Variants in TREM2 observed in about 807,000 individuals in gnomAD.
The protein encoded by TREM2 is triggering receptor expressed on myeloid cells 2, also known as triggering receptor expressed on monocytes 2.
In TREM2, 20 loss-of-function variants were observed where a neutral mutation model predicts 22.9. The ratio of observed to expected loss-of-function variants is 0.87; its 90% CI spans 0.61 to 1.27. The LOEUF (loss-of-function observed/expected upper bound fraction) is 1.27. Ranked by LOEUF, TREM2 falls within the 50% of genes most tolerant of loss-of-function variation. TREM2 has a pLI of 0.00. For synonymous variants in TREM2, 111 were observed against 120.9 expected (o/e 0.92, Z 0.54); for missense variants, 267 against 289.0 (o/e 0.92, Z 0.55).
chr6:41,162,297 G>A (rs1295336329), intron 1 of TREM2, among the ~76,000 whole-genome samples: 2 of 152,176 alleles, frequency 1.3e-5, no homozygotes, highest in Non-Finnish European at 2.9e-5. Flanking sequence ...CTTGCCTTTT[G>A]GAACTAGAGA....
chr6:41,158,905 T>C lies in TREM2; in HGVS notation c.644A>G (p.His215Arg). 1 of 1,614,252 alleles carries C rather than the reference T, an allele frequency of 6.2e-7. No homozygotes were observed. Among genetic ancestry groups the C allele is most frequent in the East Asian group, 2.2e-5 (1 of 44,882 alleles). Residue 215 changes from histidine to arginine, a missense_variant, in exon 4 of 5, where the codon CAT becomes CGT. Physicochemically the swap from His to Arg is conservative, Grantham distance 29. Coordinates refer to ENST00000373113, the MANE Select transcript of TREM2 (RefSeq NM_018965.4). ...THPPSELDCG[H>R]DPGYQLQTLP... The stretch of plus-strand genomic sequence containing the variant: ...AGTTTGGAGCTGATACCCTGGGTCA[T>C]GGCCACAGTCCAGTTCACTGGGTGG...
intron 2 of TREM2, 123 bp downstream of exon 2, chr6:41,161,140 T>G: frequency 2.2e-6 from 2 of 908,036 alleles, no homozygotes; most frequent in Non-Finnish European, 3.4e-6. Context: ...AGTAGGGAGA[T>G]GAGACCATAC....
chr6:41,161,631 A>T lies in TREM2; in HGVS notation c.41-18T>A. 1 of 1,599,922 alleles carries T rather than the reference A, an allele frequency of 6.3e-7. No homozygotes were observed. Reference sequence around the variant, plus strand: ...GGACAGCTCTGGGGAGGAGACATTCATTCACTCCTTTGTTTACCAAATACG... The same window carrying T: ...GGACAGCTCTGGGGAGGAGACATTCTTTCACTCCTTTGTTTACCAAATACG... On this transcript the variant is annotated intron_variant, in intron 1 of 4. Coordinates refer to ENST00000373113, the MANE Select transcript of TREM2 (RefSeq NM_018965.4).
In TREM2 at chr6:41,158,896, C is replaced by G. The variant is rs777941887; in HGVS notation, c.653G>C (p.Gly218Ala). 4.3e-6 allele frequency: 7 copies of G among 1,614,098 alleles called. No homozygotes were observed. The South Asian group carries it at 7.7e-5, about 18-fold the overall frequency. The part of the protein sequence containing the change: ...PSELDCGHDP[G>A]YQLQTLPGLR... Reference sequence around the variant, plus strand: ...ACCTGGCAGAGTTTGGAGCTGATACCCTGGGTCATGGCCACAGTCCAGTTC... The same window carrying G: ...ACCTGGCAGAGTTTGGAGCTGATACGCTGGGTCATGGCCACAGTCCAGTTC... The change falls in exon 4 of 5, where the codon GGG becomes GCG. Residue 218 changes from glycine to alanine, a missense_variant. Physicochemically the swap from Gly to Ala is moderately conservative, Grantham distance 60 (BLOSUM62 0). Coordinates refer to ENST00000373113, the MANE Select transcript of TREM2 (RefSeq NM_018965.4).
chr6:41,159,696 T>G, intron 3 of TREM2, 96 bp downstream of exon 3: 3 of 1,093,948 alleles, frequency 2.7e-6, no homozygotes, highest in Non-Finnish European at 4.2e-6. Flanking sequence ...CTAGTTGCCT[T>G]GTAATTTGTA....
chr6:41,161,204 GC>G, intron 2 of TREM2, 58 bp downstream of exon 2: 1 of 1,517,150 alleles, frequency 6.6e-7, no homozygotes. Flanking sequence ...GCACACAGAC[GC>G]CCAAAACATG....
chr6:41,163,102 G>A lies in TREM2; in HGVS notation c.-20C>T, dbSNP rs1050168964. The A allele has an allele frequency of 1.9e-6, 3 of 1,613,786 alleles. No individual in the cohort carries two copies. In the Admixed American group the frequency reaches 5.0e-5, roughly 27 times the overall value. ...CTCCATGCCACCCTTCCCCAGCCAA[G>A]GGCAGAAGCAGAGTGCCTTGTGCAA... On this transcript the variant is annotated 5_prime_UTR_variant, in exon 1 of 5. Transcript: ENST00000373113.
Position 41,161,277 on chromosome 6 carries a change from A to C in TREM2, c.377T>G (p.Val126Gly), listed in dbSNP as rs121908402. 3.7e-6 allele frequency: 6 copies of C among 1,613,976 alleles called. No individual in the cohort carries two copies. The South Asian group carries it at 6.6e-5, about 18-fold the overall frequency. The change falls in exon 2 of 5, where the codon GTG (valine) becomes GGG (glycine). Residue 126 changes from valine (V) to glycine (G), a missense_variant. Coordinates refer to ENST00000373113, the MANE Select transcript of TREM2 (RefSeq NM_018965.4). Reference protein sequence around the residue: ...SEADTLRKVLVEVLADPLDHR... With the variant: ...SEADTLRKVLGEVLADPLDHR... ...TGCCCACTCACCTGCCAGCACCTCC[A>C]CCAGGACCTTCCTGAGGGTGTCAGC...
Position 41,158,697 on chromosome 6 carries a change from G to A in TREM2, c.*67C>T. The A allele has an allele frequency of 6.2e-7, 1 of 1,614,144 alleles. No homozygotes were observed. The highest frequency in any genetic ancestry group is 8.5e-7 in the Non-Finnish European group (1 of 1,180,026). ...AACAAGGAGTCCTGGTGGCCAAGTG[G>A]CAAGTATGCAGGCTGGGCTGGTCCC... is the stretch of plus-strand genomic sequence containing the variant. On this transcript the variant is annotated 3_prime_UTR_variant, in exon 5 of 5. Coordinates refer to ENST00000373113, the MANE Select transcript of TREM2 (RefSeq NM_018965.4).
At chr6:41,159,311 C>A (rs1765498763) in intron 3 of TREM2, among the ~76,000 whole-genome samples, 1 of 152,160 alleles carries the variant, frequency 6.6e-6, no homozygotes, top group South Asian at 2.1e-4. Context: ...GAGCAGTTTT[C>A]TTCTGTATAC....
Position 41,161,330 on chromosome 6 carries a change from G to A in TREM2, c.324C>T (p.Tyr108=). ...RNLQPHDAGL[Y]QCQSLHGSEA... ...CACTGCCATGGAGGCTCTGGCACTG[G>A]TAGAGACCCGCATCATGGGGTTGTA... is the stretch of plus-strand genomic sequence containing the variant. The change falls in exon 2 of 5, where the codon TAC becomes TAT. Residue 108 remains tyrosine (Y), a synonymous_variant. Coordinates refer to ENST00000373113, the MANE Select transcript of TREM2 (RefSeq NM_018965.4). The A allele has an allele frequency of 6.2e-7, 1 of 1,614,242 alleles. No individual in the cohort carries two copies. The highest frequency in any genetic ancestry group is 1.1e-5 in the South Asian group (1 of 91,088).
At chr6:41,160,589 A>C (rs1196948532) in intron 2 of TREM2, among the ~76,000 whole-genome samples, 1 of 151,924 alleles carries the variant, frequency 6.6e-6, no homozygotes, top group African/African-American at 2.4e-5. Flanking sequence ...TGGCCCACCT[A>C]CTCACACCTG....
chr6:41,162,943 C>T, intron 1 of TREM2, 100 bp downstream of exon 1: 1 of 1,526,402 alleles, frequency 6.6e-7, no homozygotes. Flanking sequence ...CGAGGACTGC[C>T]ACCGCCTTCA....
In TREM2 at chr6:41,158,874, T is replaced by C. The variant is rs779307957; in HGVS notation, c.675A>G (p.Pro225=). Residue 225 remains proline, a splice_region_variant and synonymous_variant, in exon 4 of 5, where the codon CCA becomes CCG. Transcript: ENST00000373113. ...HDPGYQLQTL[P]GLRDT Reference sequence around the variant, plus strand: ...GATGGCTGTGCTCTCCAAGCCCACCTGGCAGAGTTTGGAGCTGATACCCTG... The same window carrying C: ...GATGGCTGTGCTCTCCAAGCCCACCCGGCAGAGTTTGGAGCTGATACCCTG... The C allele has an allele frequency of 1.1e-5, 17 of 1,614,136 alleles. No individual in the cohort carries two copies. The highest frequency in any genetic ancestry group is 5.1e-6 in the Non-Finnish European group (6 of 1,180,046).
chr6:41,159,748 G>A (rs756430557), intron 3 of TREM2, 44 bp downstream of exon 3: 15 of 1,580,260 alleles, frequency 9.5e-6, no homozygotes, highest in Non-Finnish European at 1.2e-5. Flanking sequence ...GCTCTGCAGG[G>A]TGGAAGTCTG....
chr6:41,160,631 G>A (rs548835272), intron 2 of TREM2, among the ~76,000 whole-genome samples: 13 of 152,208 alleles, frequency 8.5e-5, no homozygotes, highest in African/African-American at 2.9e-4. Flanking sequence ...TCAGTAGCAG[G>A]AGGCTTGGAG....
chr6:41,159,198 G>A, intron 3 of TREM2, 132 bp from the exon 4 acceptor site: 2 of 1,138,092 alleles, frequency 1.8e-6, no homozygotes, highest in Non-Finnish European at 2.6e-6. Flanking sequence ...CCTGGGATGG[G>A]CCTTTTTGGA....
intron 1 of TREM2, among the ~76,000 whole-genome samples, chr6:41,162,418 G>T (rs1765591106): frequency 6.6e-6 from 1 of 152,164 alleles, no homozygotes; most frequent in Non-Finnish European, 1.5e-5. Context: ...GACTCCATTT[G>T]GCACCGTCTC....
chr6:41,160,816 C>T (rs199849351), intron 2 of TREM2, among the ~76,000 whole-genome samples: 32 of 152,188 alleles, frequency 2.1e-4, no homozygotes, highest in Non-Finnish European at 4.1e-4. Context: ...TGATTTTCTG[C>T]ACCAGGTTGG....
Sources: gnomAD v4.1 joint callset for allele counts (sites outside exome capture counted in the v4.1 genomes callset) on GRCh38, gnomAD v4.1.1 for gene constraint, MANE v1.5 for transcripts, NCBI Gene and HGNC (gene_info 2026-07-23, HGNC 2026-07-21) for gene names.